PPP2R5E: variants seen among roughly 807,000 people sequenced by gnomAD.
PPP2R5E encodes protein phosphatase 2 regulatory subunit B'epsilon.
PPP2R5E carries 4 observed loss-of-function variants against 65.3 expected under a neutral mutation model. That is an observed-to-expected ratio of 0.06 (90% CI 0.03 to 0.14). The LOEUF (loss-of-function observed/expected upper bound fraction) is 0.14. Among genes scored for constraint, PPP2R5E ranks in the 10% least tolerant of loss-of-function variants. The pLI is 1.00. For missense variants in PPP2R5E, 274 were observed against 556.1 expected (o/e 0.49, Z 5.10); for synonymous variants, 183 against 187.4 (o/e 0.98, Z 0.19).
chr14:63,424,137 G>A (rs1489057204), intron 3 of PPP2R5E, among the ~76,000 whole-genome samples: 5 of 152,204 alleles, frequency 3.3e-5, no homozygotes, highest in Non-Finnish European at 7.3e-5. Flanking sequence ...CAAAAAGGTA[G>A]TGCTTTGCTG....
chr14:63,495,417 C>CAA (rs772700927), intron 2 of PPP2R5E, among the ~76,000 whole-genome samples: 13 of 93,236 alleles, frequency 1.4e-4, no homozygotes, highest in African/African-American at 2.2e-4. Flanking sequence ...ACTAAAAATA[C>CAA]AAAAAAAAAA....
At chr14:63,500,819 T>C (rs1300350794) in intron 2 of PPP2R5E, among the ~76,000 whole-genome samples, 1 of 151,674 alleles carries the variant, frequency 6.6e-6, no homozygotes, top group Non-Finnish European at 1.5e-5. Flanking sequence ...CAAGCTATGA[T>C]TGCACCACTA....
intron 2 of PPP2R5E, among the ~76,000 whole-genome samples, chr14:63,459,478 G>A (rs757398164): frequency 1.1e-4 from 16 of 152,168 alleles, no homozygotes; most frequent in Non-Finnish European, 2.2e-4. Context: ...TAGACTTCAT[G>A]TCCTATGAAC....
rs1890734134 is a variant in PPP2R5E, at chr14:63,482,118, A to G, written c.158-28233T>C. Among the ~76,000 whole-genome samples, 4 of 152,284 alleles carry G rather than the reference A, an allele frequency of 2.6e-5. No homozygotes were observed. The South Asian group carries it at 8.3e-4, about 31-fold the overall frequency. On this transcript the variant is annotated intron_variant, in intron 2 of 13. Coordinates refer to ENST00000337537, the MANE Select transcript of PPP2R5E (RefSeq NM_006246.5). ...ACTTTTCAGAATCAATACAAAAAAT[A>G]CATTGTTTTACAAAATTCTTTCAAG... is the stretch of plus-strand genomic sequence containing the variant.
At chr14:63,536,292 C>T (rs1312187992) in intron 2 of PPP2R5E, among the ~76,000 whole-genome samples, 2 of 152,152 alleles carry the variant, frequency 1.3e-5, no homozygotes, top group African/African-American at 4.8e-5. Flanking sequence ...CTCAACATCA[C>T]TAATCATTAG....
chr14:63,397,588 C>G (rs1375618048), intron 5 of PPP2R5E, among the ~76,000 whole-genome samples: 5 of 131,390 alleles, frequency 3.8e-5, no homozygotes, highest in Non-Finnish European at 8.2e-5. Flanking sequence ...TGAATCAAAA[C>G]AAACATCAAA....
intron 4 of PPP2R5E, among the ~76,000 whole-genome samples, chr14:63,418,364 A>C (rs1451676819): frequency 1.3e-5 from 2 of 152,228 alleles, no homozygotes; most frequent in African/African-American, 4.8e-5. Context: ...CTCTCTGGTC[A>C]CTTGAAAGCA....
In PPP2R5E at chr14:63,382,146, G is replaced by A. The variant is rs759166639; in HGVS notation, c.1214C>T (p.Ala405Val). 9 of 1,613,060 alleles carry A rather than the reference G, an allele frequency of 5.6e-6. No individual in the cohort carries two copies. Among genetic ancestry groups the A allele is most frequent in the Admixed American group, 1.7e-5 (1 of 59,964 alleles). ...SKEHWNPAIV[A>V]LVYNVLKAFM... ...TGCCTTCAACACATTGTACACCAAC[G>A]CCACAATAGCCCTGGAAAGCACAGA... The change falls in exon 13 of 14, where the codon GCG becomes GTG. Residue 405 changes from alanine to valine, a missense_variant. Ala to Val is a moderately conservative substitution (Grantham distance 64, BLOSUM62 0). This residue lies in a region of PPP2R5E where 129 missense variants were observed against 254.9 expected (regional missense o/e 0.51). Coordinates refer to ENST00000337537, the MANE Select transcript of PPP2R5E (RefSeq NM_006246.5).
intron 4 of PPP2R5E, among the ~76,000 whole-genome samples, chr14:63,417,737 G>A (rs961159923): frequency 1.3e-5 from 2 of 152,074 alleles, no homozygotes; most frequent in Non-Finnish European, 2.9e-5. Flanking sequence ...TTACAAGTAC[G>A]TGGCAGTGAA....
At chr14:63,483,976 A>T (rs1055951340) in intron 2 of PPP2R5E, among the ~76,000 whole-genome samples, 2 of 151,622 alleles carry the variant, frequency 1.3e-5, no homozygotes, top group East Asian at 1.9e-4. Context: ...CCAGCTACTC[A>T]GGGGGGCTGA....
intron 3 of PPP2R5E, among the ~76,000 whole-genome samples, chr14:63,430,393 A>ACATACATGCATACATACATACATACATG (rs1887598960): frequency 5.0e-5 from 7 of 138,914 alleles, no homozygotes; most frequent in African/African-American, 2.2e-4. Flanking sequence ...ATACATACAT[A>ACATACATGCATACATACATACATACATG]CATACATGCA....
At chr14:63,439,531 G>T (rs28620591) in intron 3 of PPP2R5E, among the ~76,000 whole-genome samples, 1 of 151,870 alleles carries the variant, frequency 6.6e-6, no homozygotes, top group East Asian at 1.9e-4. Context: ...TGCGCCACCA[G>T]GCCTGGCTAA....
At chr14:63,462,892 C>T (rs939850934) in intron 2 of PPP2R5E, among the ~76,000 whole-genome samples, 31 of 151,720 alleles carry the variant, frequency 2.0e-4, no homozygotes, top group Admixed American at 1.2e-3. Context: ...CACCTGAGGT[C>T]GGGAGTTCGA....
chr14:63,454,726 G>A (rs1485951474), intron 2 of PPP2R5E, among the ~76,000 whole-genome samples: 2 of 152,178 alleles, frequency 1.3e-5, no homozygotes, highest in African/African-American at 4.8e-5. Flanking sequence ...TACCGACTAA[G>A]CTGTAGACAG....
chr14:63,385,965 G>A (rs545564543), intron 11 of PPP2R5E, among the ~76,000 whole-genome samples: 1 of 152,134 alleles, frequency 6.6e-6, no homozygotes, highest in East Asian at 1.9e-4. Flanking sequence ...GGGCCTGATT[G>A]GCTCATCTTG....
intron 13 of PPP2R5E, among the ~76,000 whole-genome samples, chr14:63,381,301 G>A (rs2139743578): frequency 6.6e-6 from 1 of 152,170 alleles, no homozygotes; most frequent in South Asian, 2.1e-4. Flanking sequence ...AAATTTGTTG[G>A]GTTCTAGTAA....
intron 2 of PPP2R5E, among the ~76,000 whole-genome samples, chr14:63,515,262 T>C (rs560547308): frequency 2.0e-5 from 3 of 152,302 alleles, no homozygotes; most frequent in African/African-American, 7.2e-5. Context: ...ACAACTGAAA[T>C]ACCCTCCTCT....
chr14:63,410,356 G>A (rs1271522305), intron 5 of PPP2R5E, among the ~76,000 whole-genome samples: 1 of 152,164 alleles, frequency 6.6e-6, no homozygotes, highest in Admixed American at 6.5e-5. Flanking sequence ...CATGGGAGAC[G>A]ATGGAGTTCA....
At chr14:63,424,360 A>G (rs1158997835) in intron 3 of PPP2R5E, among the ~76,000 whole-genome samples, 1 of 152,198 alleles carries the variant, frequency 6.6e-6, no homozygotes, top group African/African-American at 2.4e-5. Context: ...TGAGCTGGAC[A>G]GGTCAGAACC....
Sources: gnomAD v4.1 joint callset for allele counts (sites outside exome capture counted in the v4.1 genomes callset) on GRCh38, gnomAD v4.1.1 for gene constraint, gnomAD v4.1.1 regional missense constraint, MANE v1.5 for transcripts, NCBI Gene and HGNC (gene_info 2026-07-23, HGNC 2026-07-21) for gene names.